PLCD4: variants seen among roughly 807,000 people sequenced by gnomAD.
PLCD4 encodes phospholipase C delta 4.
PLCD4 carries 63 observed loss-of-function variants against 90.2 expected under a neutral mutation model. The ratio of observed to expected loss-of-function variants is 0.70; its 90% CI spans 0.57 to 0.86. The LOEUF (loss-of-function observed/expected upper bound fraction) is 0.86. PLCD4 is among the 40% of genes least tolerant of loss of function. PLCD4 has a pLI of 0.00. For missense variants in PLCD4, 830 were observed against 956.3 expected, an observed-to-expected ratio of 0.87 and a Z score of 1.74; for synonymous variants, 294 against 356.5, an observed-to-expected ratio of 0.82 and a Z score of 1.97.
At chr2:218,617,404 C>G (rs1257621103) in intron 3 of PLCD4, among the ~76,000 whole-genome samples, 1 of 150,928 alleles carries the variant, frequency 6.6e-6, no homozygotes, top group Non-Finnish European at 1.5e-5. Context: ...TGGTGAAACC[C>G]CATCTCTACT....
At position 218,615,769 on chromosome 2, in the gene PLCD4, C is replaced by T; in HGVS notation, c.22+8C>T. The T allele has an allele frequency of 1.2e-6, 2 of 1,605,704 alleles. No individual in the cohort carries two copies. Among genetic ancestry groups the T allele is most frequent in the Non-Finnish European group, 8.5e-7 (1 of 1,175,926 alleles). On this transcript the variant is annotated splice_region_variant and intron_variant, in intron 2 of 15. Coordinates refer to ENST00000450993, the MANE Select transcript of PLCD4 (RefSeq NM_032726.4). Reference sequence around the variant, plus strand: ...CGTCCCTGCTGCAAGACCGTGAGTGCCGGGGCCCCTGCAGGGGAAGAGGCC... The same window carrying T: ...CGTCCCTGCTGCAAGACCGTGAGTGTCGGGGCCCCTGCAGGGGAAGAGGCC...
chr2:218,633,087 G>C (rs1696477195), intron 10 of PLCD4, among the ~76,000 whole-genome samples: 1 of 152,132 alleles, frequency 6.6e-6, no homozygotes, highest in East Asian at 1.9e-4. Flanking sequence ...ATGGAAATGG[G>C]AATTCAGGAG....
At chr2:218,610,733 T>C (rs1004720256) in intron 1 of PLCD4, among the ~76,000 whole-genome samples, 50 of 151,956 alleles carry the variant, frequency 3.3e-4, no homozygotes, top group Non-Finnish European at 5.7e-4. Context: ...TCTTTTTTTT[T>C]TCCTCCTGCC....
intron 11 of PLCD4, 142 bp downstream of exon 11, chr2:218,633,903 G>A: frequency 8.1e-7 from 1 of 1,237,682 alleles, no homozygotes; most frequent in Non-Finnish European, 1.1e-6. Context: ...AGCAGACAAG[G>A]GCAGAGGAGT....
intron 9 of PLCD4, among the ~76,000 whole-genome samples, chr2:218,631,120 C>T (rs961573387): frequency 1.3e-5 from 2 of 152,136 alleles, no homozygotes; most frequent in Non-Finnish European, 2.9e-5. Flanking sequence ...AATCTCCCCT[C>T]CTATCATAAT....
chr2:218,616,927 TAGAGAGAGAGAGAGAGAGAGAGAGAG>T (rs71266346), intron 3 of PLCD4, among the ~76,000 whole-genome samples: 2 of 13,760 alleles, frequency 1.5e-4, no homozygotes, highest in Admixed American at 2.6e-3. Context: ...TATATATATA[TAGAGAGAGAGAGAGAGAGAGAGAGAG>T]AGAGAGAGAG....
chr2:218,624,794 GA>G (rs1559270036), intron 6 of PLCD4, among the ~76,000 whole-genome samples: 1 of 151,240 alleles, frequency 6.6e-6, no homozygotes, highest in Non-Finnish European at 1.5e-5. Flanking sequence ...AAATGAAATC[GA>G]AGAGAGTTAA....
At position 218,618,623 on chromosome 2, in the gene PLCD4, G is replaced by C; in HGVS notation, c.226G>C (p.Glu76Gln). 3 of 1,614,038 alleles carry C rather than the reference G, an allele frequency of 1.9e-6. No individual in the cohort carries two copies. Among genetic ancestry groups the C allele is most frequent in the Non-Finnish European group, 2.5e-6 (3 of 1,179,896 alleles). ...GACAATACGTAATGGCCATGATTCC[G>C]AGTTGCTGCGTAGCCTGGCAGAGGA... ...VETIRNGHDS[E>Q]LLRSLAEELP... is the part of the protein sequence containing the mutation. Residue 76 changes from glutamate (E) to glutamine (Q), a missense_variant, in exon 4 of 16, where the codon GAG (glutamate) becomes CAG (glutamine). Physicochemically the swap from Glu to Gln is conservative, Grantham distance 29. Coordinates refer to ENST00000450993, the MANE Select transcript of PLCD4 (RefSeq NM_032726.4).
At chr2:218,609,304 C>T (rs566228178) in intron 1 of PLCD4, 1 of 152,160 alleles carries the variant, frequency 6.6e-6, no homozygotes. Flanking sequence ...ACCTGAGACA[C>T]CCTGAATCCC....
At chr2:218,622,039 C>T (rs2106138022) in intron 5 of PLCD4, 1 of 144,496 alleles carries the variant, frequency 6.9e-6, no homozygotes, top group East Asian at 2.1e-4. Context: ...GAGATCATGC[C>T]ACTGCACTCC....
At chr2:218,632,350 C>A in intron 10 of PLCD4, 38 bp downstream of exon 10, 1 of 1,558,440 alleles carries the variant, frequency 6.4e-7, no homozygotes. Context: ...GGTATTTAGT[C>A]AACTTATGCA....
At chr2:218,633,120 G>T in intron 10 of PLCD4, 1 of 459,510 alleles carries the variant, frequency 2.2e-6, no homozygotes, top group Non-Finnish European at 3.9e-6. Context: ...ATATTACTCT[G>T]GGACTCTCAC....
At chr2:218,609,072 G>T (rs547828548) in intron 1 of PLCD4, among the ~76,000 whole-genome samples, 1 of 151,736 alleles carries the variant, frequency 6.6e-6, no homozygotes, top group South Asian at 2.1e-4. Flanking sequence ...AACCCCGGGG[G>T]GCGGAGCCTG....
intron 9 of PLCD4, 140 bp from the exon 10 acceptor site, chr2:218,631,996 T>C (rs1696399377): frequency 7.5e-6 from 6 of 794,740 alleles, no homozygotes; most frequent in Non-Finnish European, 1.2e-5. Context: ...ATTGTATGTA[T>C]CAAGCAGCTA....
intron 8 of PLCD4, among the ~76,000 whole-genome samples, chr2:218,630,264 TG>T (rs1156423678): frequency 6.6e-6 from 1 of 152,160 alleles, no homozygotes; most frequent in Non-Finnish European, 1.5e-5. Context: ...ACAGAGATAG[TG>T]GTGAGTAGGG....
Position 218,636,271 on chromosome 2 carries a change from A to G in PLCD4, c.2061A>G (p.Leu687=), listed in dbSNP as rs761326410. Residue 687 remains leucine, a synonymous_variant, in exon 15 of 16, where the codon CTA becomes CTG. Transcript: ENST00000450993. ...NGFNPYWGQT[L]CFRVLVPELA... ...TTAATCCATACTGGGGGCAGACACT[A>G]TGTTTCCGGGTGCTGGTGCCTGAAC... 11 of 1,613,960 alleles carry G rather than the reference A, an allele frequency of 6.8e-6. No homozygotes were observed. The highest frequency in any genetic ancestry group is 7.6e-6 in the Non-Finnish European group (9 of 1,179,860).
intron 10 of PLCD4, 35 bp from the exon 11 acceptor site, chr2:218,633,570 G>A (rs779184991): frequency 6.2e-7 from 1 of 1,603,616 alleles, no homozygotes; most frequent in Non-Finnish European, 8.5e-7. Flanking sequence ...AGACTGCTGA[G>A]GGTTCAATTC....
intron 9 of PLCD4, among the ~76,000 whole-genome samples, chr2:218,631,246 C>T (rs1231672920): frequency 2.0e-5 from 3 of 152,086 alleles, no homozygotes; most frequent in Non-Finnish European, 4.4e-5. Context: ...CTCACTACAA[C>T]CTCTGCCTCC....
chr2:218,612,393 T>A (rs954451201), intron 1 of PLCD4, among the ~76,000 whole-genome samples: 3 of 152,216 alleles, frequency 2.0e-5, no homozygotes. Flanking sequence ...GCCAGCAAAA[T>A]CTTTTCTTCC....
Sources: gnomAD v4.1 joint callset for allele counts (sites outside exome capture counted in the v4.1 genomes callset) on GRCh38, gnomAD v4.1.1 for gene constraint, MANE v1.5 for transcripts, NCBI Gene and HGNC (gene_info 2026-07-23, HGNC 2026-07-21) for gene names.